ZNF547: variants seen among roughly 807,000 people sequenced by gnomAD.
ZNF547 encodes zinc finger protein 547.
In ZNF547, 4 loss-of-function variants were observed where a neutral mutation model predicts 7.7. The ratio of observed to expected loss-of-function variants is 0.52; its 90% CI spans 0.26 to 1.20. The LOEUF (loss-of-function observed/expected upper bound fraction) is 1.20. Ranked by LOEUF, ZNF547 falls within the 50% of genes most tolerant of loss-of-function variation. ZNF547 has a pLI of 0.14. For synonymous variants in ZNF547, 166 were observed against 166.2 expected (o/e 1.00, Z 0.01); for missense variants, 449 against 485.8 (o/e 0.92, Z 0.71).
chr19:57,365,269 C>T, intron 1 of ZNF547: 1 of 1,518,644 alleles, frequency 6.6e-7, no homozygotes, highest in Non-Finnish European at 9.0e-7. Flanking sequence ...GGAGAAAATT[C>T]CAAAATAAAT....
chr19:57,370,115 T>C (rs1358537673), intron 2 of ZNF547, among the ~76,000 whole-genome samples: 1 of 151,928 alleles, frequency 6.6e-6, no homozygotes, highest in African/African-American at 2.4e-5. Context: ...ATGGTCTTGA[T>C]CTCCTGACCT....
chr19:57,373,232 A>G (rs1177667956), intron 3 of ZNF547, among the ~76,000 whole-genome samples: 2 of 152,206 alleles, frequency 1.3e-5, no homozygotes, highest in Non-Finnish European at 2.9e-5. Flanking sequence ...AATGAGTCCA[A>G]GCAGGGAAAA....
chr19:57,375,286 G>A (rs904896982), intron 3 of ZNF547, among the ~76,000 whole-genome samples: 1 of 152,126 alleles, frequency 6.6e-6, no homozygotes, highest in African/African-American at 2.4e-5. Flanking sequence ...GGGGGTGGAA[G>A]TTGCAATGAG....
At chr19:57,370,357 G>C (rs1271264628) in intron 2 of ZNF547, among the ~76,000 whole-genome samples, 1 of 152,156 alleles carries the variant, frequency 6.6e-6, no homozygotes, top group African/African-American at 2.4e-5. Context: ...TTCAACCCAG[G>C]GCTTAGGGCT....
chr19:57,365,880 G>C (rs1433879118), intron 1 of ZNF547, among the ~76,000 whole-genome samples: 1 of 131,072 alleles, frequency 7.6e-6, no homozygotes, highest in Non-Finnish European at 1.6e-5. Context: ...TTTTTCTTTT[G>C]AGATGGAGTC....
intron 1 of ZNF547, chr19:57,368,302 A>G (rs183073532): frequency 4.2e-5 from 21 of 497,012 alleles, no homozygotes; most frequent in Admixed American, 2.6e-4. Context: ...TAAGAGTCCT[A>G]TGAGGTGGGA....
rs556462942 is a variant in ZNF547 at position 57,365,390 on chromosome 19, C to G, written c.-13+1687C>G. 531 of 668,060 alleles carry G rather than the reference C, an allele frequency of 7.9e-4. 3 individuals carry two copies. In the African/African-American group the frequency reaches 8.7e-3, roughly 11 times the overall value. 41.4% of individuals were successfully genotyped at this position (668,060 alleles called of 1,614,324 possible). On this transcript the variant is annotated intron_variant, in intron 1 of 3. Coordinates refer to ENST00000282282, the MANE Select transcript of ZNF547 (RefSeq NM_173631.4). ...AGCTTATCTAAACTTAATGAAATTT[C>G]TTTTATATTTAAAAATAGTACATTC...
Position 57,377,798 on chromosome 19 carries a change from G to A in ZNF547, c.822G>A (p.Gly274=). 6.2e-7 allele frequency: 1 copy of A among 1,614,194 alleles called. No homozygotes were observed. ...GGCCTTATGGTTGCAGTGAATGTGG[G>A]AAGTTCTTTAAGTGCAACTCAAACC... ...GKRPYGCSEC[G]KFFKCNSNLF... is the part of the protein sequence containing the mutation. Residue 274 remains glycine, a synonymous_variant, in exon 4 of 4, where the codon GGG becomes GGA. Transcript: ENST00000282282.
rs61547238 is a variant in ZNF547, at chr19:57,369,899, C to CTTTTT, written c.24+1340_24+1344dup. On this transcript the variant is annotated intron_variant, in intron 2 of 3. Transcript: ENST00000282282. ...AAAGAAGTTTAATTGACTCACAGTT[C>CTTTTT]TTTTTTTTTTTTTTTTTTTTTTTTG... Among the ~76,000 whole-genome samples, 107 of 51,664 alleles carry CTTTTT rather than the reference C, an allele frequency of 2.1e-3. 34 individuals are homozygous for CTTTTT. The highest frequency in any genetic ancestry group is 8.0e-3 in the African/African-American group (102 of 12,782). The allele number at this position is 51,664 out of a possible 152,430, so 33.9% of individuals were successfully genotyped here.
intron 3 of ZNF547, among the ~76,000 whole-genome samples, chr19:57,376,024 G>T (rs996638441): frequency 6.6e-6 from 1 of 152,046 alleles, no homozygotes; most frequent in Non-Finnish European, 1.5e-5. Context: ...TTAGCCAGGC[G>T]TGGTGGCACG....
intron 1 of ZNF547, 147 bp from the exon 2 acceptor site, chr19:57,368,397 G>A: frequency 3.0e-6 from 2 of 667,880 alleles, no homozygotes; most frequent in Non-Finnish European, 5.3e-6. Context: ...GCTGCTAAGA[G>A]CCAACAGTGA....
Position 57,378,088 on chromosome 19 carries a change from A to G in ZNF547, c.1112A>G (p.Gln371Arg), listed in dbSNP as rs1362833739. Residue 371 changes from glutamine to arginine, a missense_variant, in exon 4 of 4, where the codon CAG (glutamine) becomes CGG (arginine). By Grantham distance (43) the Gln-to-Arg change is conservative. Coordinates refer to ENST00000282282, the MANE Select transcript of ZNF547 (RefSeq NM_173631.4). ...FLTKSHLICH[Q>R]TVHTAAKQCS... ...ACAAAGTCCCACCTCATTTGTCATC[A>G]GACAGTTCACACTGCAGCAAAGCAG... 1 of 1,614,078 alleles carries G rather than the reference A, an allele frequency of 6.2e-7. No homozygotes were observed. The highest frequency in any genetic ancestry group is 8.5e-7 in the Non-Finnish European group (1 of 1,179,992).
At chr19:57,367,065 C>CT (rs1293059695) in intron 1 of ZNF547, among the ~76,000 whole-genome samples, 1 of 152,154 alleles carries the variant, frequency 6.6e-6, no homozygotes. Flanking sequence ...CTTATATTTC[C>CT]TTTCCCTCAG....
intron 3 of ZNF547, among the ~76,000 whole-genome samples, chr19:57,376,794 G>C (rs565355680): frequency 6.6e-6 from 1 of 152,154 alleles, no homozygotes; most frequent in African/African-American, 2.4e-5. Flanking sequence ...AACGAGTCCT[G>C]TTAAGAATTC....
chr19:57,367,977 A>G (rs2088481077), intron 1 of ZNF547: 1 of 152,402 alleles, frequency 6.6e-6, no homozygotes, highest in African/African-American at 2.4e-5. Context: ...ACTCATTAAG[A>G]ATATATGAAA....
chr19:57,366,635 T>C (rs1428861389), intron 1 of ZNF547, among the ~76,000 whole-genome samples: 1 of 147,294 alleles, frequency 6.8e-6, no homozygotes, highest in Admixed American at 7.0e-5. Context: ...AACCTCTGCC[T>C]CCTGACTTCA....
At chr19:57,364,657 C>T (rs1480744497) in intron 1 of ZNF547, 14 of 623,066 alleles carry the variant, frequency 2.2e-5, no homozygotes, top group Non-Finnish European at 3.7e-5. Context: ...AGGAGAATTG[C>T]CTGAACCCAG....
At chr19:57,370,260 A>G (rs1281366252) in intron 2 of ZNF547, among the ~76,000 whole-genome samples, 1 of 152,172 alleles carries the variant, frequency 6.6e-6, no homozygotes, top group Non-Finnish European at 1.5e-5. Context: ...TGTGTCCATG[A>G]GGCAGGACAC....
In ZNF547 at chr19:57,377,158, C is replaced by T. The variant is rs778345904; in HGVS notation, c.182C>T (p.Ala61Val). Residue 61 changes from alanine (A) to valine (V), a missense_variant, in exon 4 of 4, where the codon GCA becomes GTA. By Grantham distance (64) the Ala-to-Val change is moderately conservative. Coordinates refer to ENST00000282282, the MANE Select transcript of ZNF547 (RefSeq NM_173631.4). ...GCCHGAEDEEAPLEPGVSVGV... is the reference protein window; with the variant it reads ...GCCHGAEDEEVPLEPGVSVGV... The stretch of plus-strand genomic sequence containing the variant: ...TGCCATGGAGCTGAGGATGAGGAGG[C>T]ACCTTTAGAGCCAGGTGTTTCTGTA... 5 of 1,613,812 alleles carry T rather than the reference C, an allele frequency of 3.1e-6. No homozygotes were observed. The highest frequency in any genetic ancestry group is 2.2e-5 in the East Asian group (1 of 44,886).
Sources: allele counts gnomAD v4.1 joint callset (sites outside exome capture counted in the v4.1 genomes callset), GRCh38; gene constraint gnomAD v4.1.1; transcripts MANE v1.5; gene names NCBI Gene and HGNC (gene_info 2026-07-23, HGNC 2026-07-21).